The following EPB41L3 variants were observed in gnomAD, a reference collection of about 807,000 sequenced individuals.
EPB41L3 encodes the protein erythrocyte membrane protein band 4.1 like 3.
EPB41L3 carries 57 observed loss-of-function variants against 127.1 expected under a neutral mutation model. That is an observed-to-expected ratio of 0.45 (90% CI 0.36 to 0.56). The LOEUF (loss-of-function observed/expected upper bound fraction) is 0.56, where lower values mean the gene tolerates loss of function less well. Among genes scored for constraint, EPB41L3 ranks in the 20% least tolerant of loss-of-function variants. The pLI is 0.00. For synonymous variants in EPB41L3, 572 were observed against 549.5 expected (o/e 1.04, Z -0.57); for missense variants, 1,273 against 1,372.2 (o/e 0.93, Z 1.14).
intron 3 of EPB41L3, among the ~76,000 whole-genome samples, chr18:5,595,951 T>A (rs1189054917): frequency 6.6e-6 from 1 of 152,190 alleles, no homozygotes; most frequent in Non-Finnish European, 1.5e-5. Context: ...CTGGGGAATC[T>A]TTATAACCGT....
chr18:5,397,911 T>C lies in EPB41L3; in HGVS notation c.2472+110A>G, dbSNP rs2073848635. On this transcript the variant is annotated intron_variant, in intron 17 of 22. Transcript: ENST00000341928. This position sits in a 1 kb window ranked among gnomAD's most constrained non-coding sequence, Gnocchi z 4.1. ...ACAATAAGTGAAGACACCTTTGAGA[T>C]GTTGAAGGCAAAGCCAGCTGGATGC... 4.7e-6 allele frequency: 6 copies of C among 1,270,060 alleles called. No homozygotes were observed. Among genetic ancestry groups the C allele is most frequent in the Non-Finnish European group, 6.7e-6 (6 of 892,642 alleles). 78.7% of individuals were successfully genotyped at this position (1,270,060 alleles called of 1,614,324 possible).
In EPB41L3 at chr18:5,543,388, G is replaced by A. The variant is rs2093800703; in HGVS notation, c.-12+525C>T. 2 of 147,576 alleles carry A rather than the reference G, an allele frequency of 1.4e-5. No homozygotes were observed. The highest frequency in any genetic ancestry group is 2.4e-5 in the African/African-American group (1 of 41,034). 9.1% of individuals were successfully genotyped at this position (147,576 alleles called of 1,614,324 possible). ...GCTGCCGCCGCGCGCTGAGCGCAGG[G>A]CCCCTCCCGCGGCCCGCCAGCCGCC... On this transcript the variant is annotated intron_variant, in intron 1 of 22. Coordinates refer to ENST00000341928, the MANE Select transcript of EPB41L3 (RefSeq NM_012307.5). The surrounding 1 kb of genome is among the most constrained non-coding windows in gnomAD (Gnocchi z 5.2).
In EPB41L3 at chr18:5,543,857, C is replaced by A; in HGVS notation, c.-12+56G>T. On this transcript the variant is annotated intron_variant, in intron 1 of 22. Coordinates refer to ENST00000341928, the MANE Select transcript of EPB41L3 (RefSeq NM_012307.5). This position sits in a 1 kb window ranked among gnomAD's most constrained non-coding sequence, Gnocchi z 5.2. ...CCAGGCCTCGGGCTCTTCCTCCGCA[C>A]CTCGTAAAGCCGAGACCCCCTCGCA... The A allele has an allele frequency of 4.1e-6, 4 of 984,460 alleles. No individual in the cohort carries two copies. The highest frequency in any genetic ancestry group is 4.8e-6 in the Non-Finnish European group (4 of 829,106). 61.0% of individuals were successfully genotyped at this position (984,460 alleles called of 1,614,324 possible).
At chr18:5,605,265 C>T (rs1407500714) in intron 3 of EPB41L3, among the ~76,000 whole-genome samples, 1 of 152,182 alleles carries the variant, frequency 6.6e-6, no homozygotes, top group African/African-American at 2.4e-5. Context: ...ACACCTTGGC[C>T]ACCCATGTTC....
upstream of EPB41L3, among the ~76,000 whole-genome samples, chr18:5,545,550 T>G (rs2149105876): frequency 6.6e-6 from 1 of 152,284 alleles, no homozygotes; most frequent in South Asian, 2.1e-4. Flanking sequence ...CTATGGAGTT[T>G]ATGGGACTAT....
chr18:5,505,575 T>TACCTTCACCTCCACCCCTACTCTCCAC, intron 1 of EPB41L3, among the ~76,000 whole-genome samples: 1 of 70,162 alleles, frequency 1.4e-5, no homozygotes, highest in African/African-American at 5.7e-5. Flanking sequence ...CTCCCCACCA[T>TACCTTCACCTCCACCCCTACTCTCCAC]ACCTTCACCT....
In EPB41L3 at chr18:5,419,693, G is replaced by A. The variant is rs1568078909; in HGVS notation, c.1506+18C>T. The A allele has an allele frequency of 6.2e-7, 1 of 1,613,220 alleles. No individual in the cohort carries two copies. On this transcript the variant is annotated intron_variant, in intron 12 of 22. Transcript: ENST00000341928. ...TAAAAGCTGGAGCAAGCTCTTGCAG[G>A]CAGTCTGGGAGCTATACCTTTCCCT...
intron 14 of EPB41L3, among the ~76,000 whole-genome samples, chr18:5,408,793 G>C (rs1010111365): frequency 2.6e-5 from 4 of 152,154 alleles, no homozygotes; most frequent in African/African-American, 9.7e-5. Context: ...ATTTCAAGGA[G>C]TGGTCTAATC....
chr18:5,507,063 C>T (rs2092255961), intron 1 of EPB41L3, among the ~76,000 whole-genome samples: 2 of 152,138 alleles, frequency 1.3e-5, no homozygotes, highest in South Asian at 4.1e-4. Context: ...ATGAAACAGG[C>T]AAACATGTCT....
chr18:5,535,666 G>C lies in EPB41L3; in HGVS notation c.-12+8247C>G, dbSNP rs923807041. Among the ~76,000 whole-genome samples, 14 of 152,314 alleles carry C rather than the reference G, an allele frequency of 9.2e-5. No homozygotes were observed. In the South Asian group the frequency reaches 1.0e-3, roughly 11 times the overall value. On this transcript the variant is annotated intron_variant, in intron 1 of 22. Transcript: ENST00000341928. ...GGCATCATCTCACAGAAGCCTGGGT[G>C]CACCATTCCAGCTAGCACCACCTTC...
rs573187450 is a variant in EPB41L3 at position 5,430,164 on chromosome 18, T to C, written c.913-1699A>G. On this transcript the variant is annotated intron_variant, in intron 8 of 22. Coordinates refer to ENST00000341928, the MANE Select transcript of EPB41L3 (RefSeq NM_012307.5). ...ACAGTAGCTCCCTTCATGAGGAAGATGAAGAAGGCTCCGATGCCTCCTCTT... is the reference window on the plus strand; with the variant it reads ...ACAGTAGCTCCCTTCATGAGGAAGACGAAGAAGGCTCCGATGCCTCCTCTT... 2.6e-5 allele frequency among the ~76,000 whole-genome samples: 4 copies of C among 152,338 alleles called. No individual in the cohort carries two copies. The South Asian group carries it at 6.2e-4, about 24-fold the overall frequency.
chr18:5,551,467 G>T lies in EPB41L3; in HGVS notation c.-306+60873C>A, dbSNP rs527254674. Among the ~76,000 whole-genome samples, 3 of 152,222 alleles carry T rather than the reference G, an allele frequency of 2.0e-5. No homozygotes were observed. The South Asian group carries it at 6.2e-4, about 32-fold the overall frequency. On this transcript the variant is annotated intron_variant, in intron 3 of 21. Coordinates refer to the EPB41L3 transcript ENST00000545076. ...AGGCTGGGCACGGTGGCTCGCTCCT[G>T]TAATCCCAGCACTTTGGGAGGCCGA...
At chr18:5,420,684 C>A (rs569565383) in intron 11 of EPB41L3, among the ~76,000 whole-genome samples, 1 of 152,252 alleles carries the variant, frequency 6.6e-6, no homozygotes, top group African/African-American at 2.4e-5. Context: ...CCAGCTAAAA[C>A]GTCTTAGTGA....
intron 16 of EPB41L3, among the ~76,000 whole-genome samples, chr18:5,406,463 A>G (rs1251609544): frequency 6.6e-6 from 1 of 152,188 alleles, no homozygotes; most frequent in Admixed American, 6.5e-5. Flanking sequence ...AAAAGTGTCA[A>G]TGCATGAAGA....
intron 16 of EPB41L3, among the ~76,000 whole-genome samples, chr18:5,403,238 T>C (rs1467672675): frequency 3.3e-5 from 5 of 152,290 alleles, no homozygotes; most frequent in African/African-American, 9.6e-5. Flanking sequence ...TATTTGCCTA[T>C]TTTCTAAAGC....
In EPB41L3 at chr18:5,515,020, A is replaced by G. The variant is rs145860609; in HGVS notation, c.-11-25826T>C. 2.1e-3 allele frequency among the ~76,000 whole-genome samples: 325 copies of G among 152,356 alleles called. 10 individuals are homozygous for G. The East Asian group carries it at 0.056, about 26-fold the overall frequency. Reference sequence around the variant, plus strand: ...GCCAACACTGTATCAGTGACTGGCCATCTATCTATTATTACTAACAGTAAG... The same window carrying G: ...GCCAACACTGTATCAGTGACTGGCCGTCTATCTATTATTACTAACAGTAAG... On this transcript the variant is annotated intron_variant, in intron 1 of 22. Transcript: ENST00000341928.
chr18:5,410,860 T>C (rs1598587447), intron 13 of EPB41L3, among the ~76,000 whole-genome samples: 1 of 152,182 alleles, frequency 6.6e-6, no homozygotes, highest in African/African-American at 2.4e-5. Context: ...CTGCAGGAGC[T>C]GGGGAGCCAC....
chr18:5,493,538 TC>T (rs2090838545), intron 1 of EPB41L3, among the ~76,000 whole-genome samples: 2 of 152,104 alleles, frequency 1.3e-5, no homozygotes, highest in African/African-American at 4.8e-5. Context: ...ACAGTAATAT[TC>T]TTTGGCCCTT....
chr18:5,403,601 A>AC (rs2074878407), intron 16 of EPB41L3, among the ~76,000 whole-genome samples: 1 of 151,326 alleles, frequency 6.6e-6, no homozygotes, highest in African/African-American at 2.4e-5. Flanking sequence ...AAAAAAAAAA[A>AC]AAAAACAACA....
Sources: allele counts gnomAD v4.1 joint callset (sites outside exome capture counted in the v4.1 genomes callset), GRCh38; gene constraint gnomAD v4.1.1; non-coding constraint Gnocchi (gnomAD v3.1); transcripts MANE v1.5; gene names NCBI Gene and HGNC (gene_info 2026-07-23, HGNC 2026-07-21).